CARM1: variants seen among roughly 807,000 people sequenced by gnomAD.
The protein encoded by CARM1 is coactivator associated arginine methyltransferase 1, also known as histone-arginine methyltransferase CARM1.
A neutral mutation model predicts 72.7 loss-of-function variants in CARM1; 14 were observed. The ratio of observed to expected loss-of-function variants is 0.19; its 90% CI spans 0.13 to 0.30. The LOEUF (loss-of-function observed/expected upper bound fraction) is 0.30, where lower values mean the gene tolerates loss of function less well. Ranked by LOEUF, CARM1 falls within the 10% of genes least tolerant of loss-of-function variation. The pLI, the probability that CARM1 is intolerant of heterozygous loss-of-function variation, is 1.00. For missense variants in CARM1, 432 were observed against 833.7 expected (o/e 0.52, Z 5.93); for synonymous variants, 333 against 345.5 (o/e 0.96, Z 0.40).
chr19:10,899,080 T>C (rs2145212944), intron 1 of CARM1, among the ~76,000 whole-genome samples: 1 of 151,592 alleles, frequency 6.6e-6, no homozygotes, highest in South Asian at 2.1e-4. Context: ...CCAGGTGTCT[T>C]CTGTGTGCCA....
intron 1 of CARM1, among the ~76,000 whole-genome samples, chr19:10,893,647 A>G (rs991083377): frequency 1.2e-4 from 19 of 152,306 alleles, no homozygotes; most frequent in Non-Finnish European, 2.5e-4. Context: ...CATTGTGCCC[A>G]TTTTATAGAT....
intron 1 of CARM1, among the ~76,000 whole-genome samples, chr19:10,898,508 G>A (rs1056226229): frequency 2.0e-5 from 3 of 152,224 alleles, no homozygotes; most frequent in Admixed American, 2.0e-4. Context: ...TTTGTCTCTA[G>A]AGGCCAACAC....
In CARM1 at chr19:10,909,220, C is replaced by A; in HGVS notation, c.558+13C>A. On this transcript the variant is annotated intron_variant, in intron 4 of 15. Transcript: ENST00000327064. ...CTTCAAGGACAAGGTGAGTGGCCCGCGCATGTGCCCACCTCTCTGCTTCTG... is the reference window on the plus strand; with the variant it reads ...CTTCAAGGACAAGGTGAGTGGCCCGAGCATGTGCCCACCTCTCTGCTTCTG... The A allele has an allele frequency of 6.5e-7, 1 of 1,537,740 alleles. No individual in the cohort carries two copies. The highest frequency in any genetic ancestry group is 9.0e-7 in the Non-Finnish European group (1 of 1,111,026).
At chr19:10,872,927 A>T (rs1455574440) in intron 1 of CARM1, among the ~76,000 whole-genome samples, 1 of 152,020 alleles carries the variant, frequency 6.6e-6, no homozygotes, top group Non-Finnish European at 1.5e-5. Flanking sequence ...CACTTTGGAA[A>T]CGGCCCGATT....
intron 1 of CARM1, among the ~76,000 whole-genome samples, chr19:10,882,364 G>A (rs1167246309): frequency 1.3e-5 from 2 of 151,992 alleles, no homozygotes; most frequent in East Asian, 3.9e-4. Flanking sequence ...GGGCGATCAT[G>A]GGCAAATGCC....
chr19:10,880,536 T>G (rs1418637545), intron 1 of CARM1, among the ~76,000 whole-genome samples: 1 of 141,952 alleles, frequency 7.0e-6, no homozygotes, highest in Non-Finnish European at 1.5e-5. Context: ...TTTTTTTTTG[T>G]AGAGACAGGG....
rs115864189 is a variant in CARM1, at chr19:10,903,840, C to G, written c.221-1111C>G. On this transcript the variant is annotated intron_variant, in intron 1 of 15. Transcript: ENST00000327064. ...GCCTCAGCCTCCTGAGTCCCTAAGA[C>G]AACAGGCGCATGCCACCATGCCTGC... 1.3e-3 allele frequency among the ~76,000 whole-genome samples: 200 copies of G among 152,248 alleles called. 2 individuals carry two copies. Among genetic ancestry groups the G allele is most frequent in the African/African-American group, 4.5e-3 (187 of 41,558 alleles).
At chr19:10,914,799 A>G (rs925848728) in intron 6 of CARM1, among the ~76,000 whole-genome samples, 1 of 151,762 alleles carries the variant, frequency 6.6e-6, no homozygotes, top group African/African-American at 2.4e-5. Flanking sequence ...CAGGTGATCT[A>G]CCCGCCTCAG....
At chr19:10,911,722 G>A (rs935284284) in intron 4 of CARM1, among the ~76,000 whole-genome samples, 1 of 152,242 alleles carries the variant, frequency 6.6e-6, no homozygotes. Flanking sequence ...CGGGCCAGTA[G>A]CCCTGCGGGG....
intron 6 of CARM1, 103 bp downstream of exon 6, chr19:10,914,157 C>G: frequency 8.3e-7 from 1 of 1,202,140 alleles, no homozygotes; most frequent in Non-Finnish European, 1.2e-6. Flanking sequence ...GTCGGTGGCC[C>G]GGGGTGTAGG....
intron 8 of CARM1, chr19:10,918,950 G>T (rs2074219068): frequency 6.6e-6 from 1 of 152,294 alleles, no homozygotes; most frequent in South Asian, 2.1e-4. Context: ...CATGGCAGGT[G>T]TGTTAGTCGG....
At chr19:10,873,476 C>G (rs894825783) in intron 1 of CARM1, among the ~76,000 whole-genome samples, 16 of 151,488 alleles carry the variant, frequency 1.1e-4, no homozygotes, top group Non-Finnish European at 2.4e-4. Context: ...CCTGTCCCAG[C>G]TACTCGGGAG....
At chr19:10,893,628 G>A (rs1004234797) in intron 1 of CARM1, among the ~76,000 whole-genome samples, 2 of 152,230 alleles carry the variant, frequency 1.3e-5, no homozygotes, top group Non-Finnish European at 2.9e-5. Flanking sequence ...GTGAGCCACC[G>A]CCCCCTGTCA....
At chr19:10,895,624 T>C (rs886413769) in intron 1 of CARM1, among the ~76,000 whole-genome samples, 2 of 152,182 alleles carry the variant, frequency 1.3e-5, no homozygotes, top group African/African-American at 4.8e-5. Context: ...GAGGGCAGGC[T>C]AGCACTCCAA....
intron 1 of CARM1, among the ~76,000 whole-genome samples, chr19:10,888,179 T>C (rs1329114725): frequency 2.0e-5 from 3 of 152,164 alleles, no homozygotes; most frequent in African/African-American, 7.2e-5. Context: ...AGACCCTCTT[T>C]AGCACCAGGA....
Position 10,871,589 on chromosome 19 carries a change from A to AGCAGCGGCGGCGGCG in CARM1, c.-112_-111insAGCGGCGGCGGCGGC, listed in dbSNP as rs1380564750. ...CGGCGGCTGCGGCGGCGGTAGCGGC[A>AGCAGCGGCGGCGGCG]GCGGCGGCGGCGGCGGCGGCGGCGG... On this transcript the variant is annotated 5_prime_UTR_variant, in exon 1 of 16. Transcript: ENST00000327064. This position sits in a 1 kb window ranked among gnomAD's most constrained non-coding sequence, Gnocchi z 5.6. The AGCAGCGGCGGCGGCG allele has an allele frequency of 8.5e-6, 1 of 117,086 alleles. No homozygotes were observed. Among genetic ancestry groups the AGCAGCGGCGGCGGCG allele is most frequent in the Non-Finnish European group, 1.8e-5 (1 of 56,442 alleles). 7.3% of individuals were successfully genotyped at this position (117,086 alleles called of 1,614,324 possible). A position where few individuals can be genotyped will look rare whatever the true frequency, so the allele number is the denominator to read the frequency against.
intron 1 of CARM1, among the ~76,000 whole-genome samples, chr19:10,891,311 G>A (rs1466420165): frequency 6.6e-6 from 1 of 152,106 alleles, no homozygotes; most frequent in East Asian, 1.9e-4. Context: ...CTGAGGTGTC[G>A]GGAGGTGATG....
chr19:10,919,233 G>A (rs1404491655), intron 8 of CARM1: 4 of 202,012 alleles, frequency 2.0e-5, no homozygotes, highest in Admixed American at 1.1e-4. Flanking sequence ...TCTTTCTCAC[G>A]TCCGCATGGT....
intron 9 of CARM1, 72 bp from the exon 10 acceptor site, chr19:10,919,805 C>A: frequency 6.7e-7 from 1 of 1,497,678 alleles, no homozygotes; most frequent in Non-Finnish European, 9.3e-7. Flanking sequence ...GGCCTCTGCA[C>A]CTGGCACCCC....
Sources: allele counts gnomAD v4.1 joint callset (sites outside exome capture counted in the v4.1 genomes callset), GRCh38; gene constraint gnomAD v4.1.1; non-coding constraint Gnocchi (gnomAD v3.1); transcripts MANE v1.5; gene names NCBI Gene and HGNC (gene_info 2026-07-23, HGNC 2026-07-21).